Variants in ANKRD44 observed in about 807,000 individuals in gnomAD.
ANKRD44 encodes the protein ankyrin repeat domain 44.
In ANKRD44, 35 loss-of-function variants were observed where a neutral mutation model predicts 116.0. The ratio of observed to expected loss-of-function variants is 0.30; its 90% CI spans 0.23 to 0.40. The LOEUF (loss-of-function observed/expected upper bound fraction) is 0.40. ANKRD44 is among the 10% of genes least tolerant of loss of function. ANKRD44 has a pLI of 1.00. For missense variants in ANKRD44, 1,014 were observed against 1,242.6 expected, an observed-to-expected ratio of 0.82 and a Z score of 2.77; for synonymous variants, 435 against 461.8, an observed-to-expected ratio of 0.94 and a Z score of 0.74.
chr2:197,262,645 T>C (rs1423393413), intron 1 of ANKRD44, among the ~76,000 whole-genome samples: 1 of 152,356 alleles, frequency 6.6e-6, no homozygotes, highest in East Asian at 1.9e-4. Flanking sequence ...GGCTCATGCC[T>C]GTAATCCCAG....
rs71012942 is a variant in ANKRD44 at position 196,979,554 on chromosome 2, C to CTTTTTTTTTTTTTT, written c.2369-12122_2369-12109dup. On this transcript the variant is annotated intron_variant, in intron 21 of 21. Transcript: ENST00000424317. Reference sequence around the variant, plus strand: ...CAGCCTGAGTAATTTAATAAGATGACTTTTTTTTTTTTTTTTTTTTTTTTT... The same window carrying CTTTTTTTTTTTTTT: ...CAGCCTGAGTAATTTAATAAGATGACTTTTTTTTTTTTTTTTTTTTTTTTTTTTTTTTTTTTTTT... Among the ~76,000 whole-genome samples the CTTTTTTTTTTTTTT allele has an allele frequency of 1.1e-3, 63 of 59,646 alleles. 4 individuals carry two copies. The highest frequency in any genetic ancestry group is 2.4e-3 in the African/African-American group (37 of 15,668). 39.1% of individuals were successfully genotyped at this position (59,646 alleles called of 152,430 possible).
chr2:197,304,754 C>A (rs2084018761), intron 1 of ANKRD44, among the ~76,000 whole-genome samples: 1 of 152,234 alleles, frequency 6.6e-6, no homozygotes, highest in Non-Finnish European at 1.5e-5. Flanking sequence ...ATCAATCACA[C>A]TTTCTCGGAT....
At chr2:197,061,104 A>G (rs2077302826) in intron 16 of ANKRD44, among the ~76,000 whole-genome samples, 1 of 152,194 alleles carries the variant, frequency 6.6e-6, no homozygotes, top group African/African-American at 2.4e-5. Context: ...ATTTACTTAC[A>G]TTCTTCCACT....
chr2:197,015,586 A>G, intron 17 of ANKRD44: 2 of 527,328 alleles, frequency 3.8e-6, no homozygotes, highest in Non-Finnish European at 3.5e-6. Context: ...AGATGGAGGA[A>G]GTAATTTTGG....
chr2:196,995,378 C>A lies in ANKRD44; in HGVS notation c.2831+1G>T, dbSNP rs771000319. 6.2e-7 allele frequency: 1 copy of A among 1,607,304 alleles called. No homozygotes were observed. Among genetic ancestry groups the A allele is most frequent in the Non-Finnish European group, 8.5e-7 (1 of 1,175,154 alleles). On this transcript the variant is annotated splice_donor_variant, in intron 26 of 27. Coordinates refer to ENST00000282272, the MANE Select transcript of ANKRD44 (RefSeq NM_001195144.2). LOFTEE classifies it high-confidence loss of function. ...AGTCCAACTTTAGTAGTTACACTTACGTCTGCAGTGCATTATTTTTTTCAT... is the reference window on the plus strand; with the variant it reads ...AGTCCAACTTTAGTAGTTACACTTAAGTCTGCAGTGCATTATTTTTTTCAT...
At chr2:197,035,081 G>C in intron 16 of ANKRD44, among the ~76,000 whole-genome samples, 1 of 152,254 alleles carries the variant, frequency 6.6e-6, no homozygotes, top group South Asian at 2.1e-4. Context: ...AAAGGCAATA[G>C]AAGGTTAAAT....
chr2:197,103,796 T>C (rs1428347491), intron 9 of ANKRD44, among the ~76,000 whole-genome samples: 2 of 152,180 alleles, frequency 1.3e-5, no homozygotes, highest in Non-Finnish European at 2.9e-5. Flanking sequence ...AGATAGTCAG[T>C]ACTAGTATTT....
In ANKRD44 at chr2:196,975,809, AAAAGAAAGAAAGAAAG is replaced by A. The variant is rs139764360; in HGVS notation, c.2369-8379_2369-8364del. ...TCTCAAAAAAAAAAAAGAAAAAGAA[AAAAGAAAGAAAGAAAG>A]AAAGAAAGAAAGAAAGAAGGAAAGA... is the stretch of plus-strand genomic sequence containing the variant. On this transcript the variant is annotated intron_variant, in intron 21 of 21. Coordinates refer to the ANKRD44 transcript ENST00000424317. Among the ~76,000 whole-genome samples, 834 of 136,470 alleles carry A rather than the reference AAAAGAAAGAAAGAAAG, an allele frequency of 6.1e-3. 8 individuals are homozygous for A. Among genetic ancestry groups the A allele is most frequent in the African/African-American group, 0.021 (771 of 36,938 alleles). The allele number at this position is 136,470 out of a possible 152,430, so 89.5% of individuals were successfully genotyped here.
chr2:197,110,900 C>T (rs2078549588), intron 8 of ANKRD44, 56 bp from the exon 9 acceptor site: 1 of 1,277,012 alleles, frequency 7.8e-7, no homozygotes, highest in Non-Finnish European at 1.1e-6. Context: ...CCAGTGACAC[C>T]CATCTGAAAT....
intron 1 of ANKRD44, among the ~76,000 whole-genome samples, chr2:197,200,791 C>G (rs1363196846): frequency 6.6e-6 from 1 of 152,130 alleles, no homozygotes; most frequent in Non-Finnish European, 1.5e-5. Flanking sequence ...CCAAAAAGAC[C>G]TCAGTTCTTT....
At chr2:197,091,135 C>T (rs1342118859) in intron 10 of ANKRD44, among the ~76,000 whole-genome samples, 1 of 152,240 alleles carries the variant, frequency 6.6e-6, no homozygotes, top group East Asian at 1.9e-4. Flanking sequence ...ACATTTAAGC[C>T]AACCGTGGAC....
At chr2:196,991,412 A>G (rs1434961179) in intron 27 of ANKRD44, among the ~76,000 whole-genome samples, 3 of 152,204 alleles carry the variant, frequency 2.0e-5, no homozygotes, top group Non-Finnish European at 4.4e-5. Flanking sequence ...AAGATATTGA[A>G]AATTAGATGA....
chr2:197,255,133 A>G (rs2082415032), intron 1 of ANKRD44, among the ~76,000 whole-genome samples: 1 of 152,192 alleles, frequency 6.6e-6, no homozygotes, highest in African/African-American at 2.4e-5. Flanking sequence ...TATGTTCCAC[A>G]ACTATGGTCC....
chr2:197,140,783 CAG>C (rs1454169203), intron 3 of ANKRD44, among the ~76,000 whole-genome samples: 2 of 152,104 alleles, frequency 1.3e-5, no homozygotes, highest in African/African-American at 4.8e-5. Context: ...TTGGAGGTGA[CAG>C]AGATAGACAT....
At chr2:197,254,141 C>T (rs1399005054) in intron 1 of ANKRD44, among the ~76,000 whole-genome samples, 1 of 152,182 alleles carries the variant, frequency 6.6e-6, no homozygotes, top group Non-Finnish European at 1.5e-5. Flanking sequence ...GCCTATAATC[C>T]CAGCACTTTG....
chr2:197,233,768 G>C (rs2081918418), intron 1 of ANKRD44, among the ~76,000 whole-genome samples: 1 of 152,198 alleles, frequency 6.6e-6, no homozygotes, highest in African/African-American at 2.4e-5. Flanking sequence ...CACTTCAACT[G>C]TTCTAGCAGT....
chr2:196,988,489 A>G lies in ANKRD44; in HGVS notation c.*1102T>C, dbSNP rs545978754. 1 of 985,412 alleles carries G rather than the reference A, an allele frequency of 1.0e-6. No individual in the cohort carries two copies. Among genetic ancestry groups the G allele is most frequent in the African/African-American group, 1.7e-5 (1 of 57,374 alleles). The allele number at this position is 985,412 out of a possible 1,614,324, so 61.0% of individuals were successfully genotyped here. A position where few individuals can be genotyped will look rare whatever the true frequency, so the allele number is the denominator to read the frequency against. On this transcript the variant is annotated 3_prime_UTR_variant, in exon 28 of 28. Transcript: ENST00000282272. ...AGTGAAATCAATACCAGTTCAATAA[A>G]TCCTTTGAACAAGTTCTCATTTGTG... is the stretch of plus-strand genomic sequence containing the variant.
At position 197,249,662 on chromosome 2, in the gene ANKRD44, G is replaced by A. The variant is rs868831028; in HGVS notation, c.27+60916C>T. Among the ~76,000 whole-genome samples the A allele has an allele frequency of 3.9e-5, 6 of 152,256 alleles. No individual in the cohort carries two copies. The East Asian group carries it at 5.8e-4, about 15-fold the overall frequency. ...ATCCTATCACAGCTGCAGGAGGATC[G>A]TCAATGTAGAGTTATAGGTTTACAT... On this transcript the variant is annotated intron_variant, in intron 1 of 27. Coordinates refer to ENST00000282272, the MANE Select transcript of ANKRD44 (RefSeq NM_001195144.2).
intron 8 of ANKRD44, among the ~76,000 whole-genome samples, chr2:197,118,637 G>GAGAGAGAGAGAGAGAGAGAAAGAAAGAA: frequency 8.9e-6 from 1 of 112,442 alleles, no homozygotes; most frequent in South Asian, 3.0e-4. Flanking sequence ...GAGAGAGAGA[G>GAGAGAGAGAGAGAGAGAGAAAGAAAGAA]AGAAAGAAAG....
Sources: gnomAD v4.1 joint callset for allele counts (sites outside exome capture counted in the v4.1 genomes callset) on GRCh38, gnomAD v4.1.1 for gene constraint, MANE v1.5 for transcripts, NCBI Gene and HGNC (gene_info 2026-07-23, HGNC 2026-07-21) for gene names.